The following FRMPD4 variants were observed in gnomAD, a reference collection of about 807,000 sequenced individuals.
FRMPD4 encodes the protein FERM and PDZ domain containing 4.
In FRMPD4, 22 loss-of-function variants were observed where a neutral mutation model predicts 94.1. The observed-to-expected ratio is 0.23, with a 90% CI of 0.17 to 0.33. The LOEUF is 0.33. Among genes scored for constraint, FRMPD4 ranks in the 10% least tolerant of loss-of-function variants. The pLI, the probability that FRMPD4 is intolerant of heterozygous loss-of-function variation, is 1.00. For missense variants in FRMPD4, 1,111 were observed against 1,339.9 expected (o/e 0.83, Z 2.67); for synonymous variants, 631 against 548.6 (o/e 1.15, Z -2.10).
chrX:12,544,757 T>C (rs1189946160), intron 2 of FRMPD4, among the ~76,000 whole-genome samples: 1 of 111,343 alleles, frequency 9.0e-6, no homozygotes, highest in African/African-American at 3.3e-5. Flanking sequence ...CTCAGGAACC[T>C]AAATGGGTTA....
chrX:12,620,770 A>G (rs1569369068), intron 4 of FRMPD4, among the ~76,000 whole-genome samples: 1 of 112,547 alleles, frequency 8.9e-6, no homozygotes, highest in Admixed American at 9.4e-5. Context: ...CCAGTCTATA[A>G]AGACCAGTCT....
intron 1 of FRMPD4, among the ~76,000 whole-genome samples, chrX:12,290,340 A>G (rs1254765194): frequency 8.9e-6 from 1 of 112,451 alleles, no homozygotes; most frequent in Non-Finnish European, 1.9e-5. Context: ...AAGTCAGATT[A>G]AAAAACCATG....
chrX:12,470,340 G>A (rs989542118), intron 1 of FRMPD4, among the ~76,000 whole-genome samples: 1 of 111,809 alleles, frequency 8.9e-6, no homozygotes, highest in Admixed American at 9.5e-5. Context: ...TGACCAAAAT[G>A]TCATTTTTTT....
intron 1 of FRMPD4, among the ~76,000 whole-genome samples, chrX:12,354,181 G>C (rs1034004614): frequency 2.7e-5 from 3 of 112,149 alleles, no homozygotes; most frequent in Non-Finnish European, 3.8e-5. Context: ...GTTCTCTGTT[G>C]GGAAATAATT....
At chrX:12,600,479 A>G (rs1466660599) in intron 2 of FRMPD4, among the ~76,000 whole-genome samples, 2 of 112,446 alleles carry the variant, frequency 1.8e-5, no homozygotes, top group African/African-American at 6.5e-5. Flanking sequence ...AAACAATCAA[A>G]TAACTGTTGT....
chrX:12,403,398 T>C (rs1485935501), intron 1 of FRMPD4, among the ~76,000 whole-genome samples: 1 of 111,282 alleles, frequency 9.0e-6, no homozygotes, highest in African/African-American at 3.3e-5. Context: ...TATTCAGGTC[T>C]TGGAAAATTC....
intron 1 of FRMPD4, among the ~76,000 whole-genome samples, chrX:11,836,240 G>A (rs956403328): frequency 1.8e-5 from 2 of 111,543 alleles, no homozygotes; most frequent in Non-Finnish European, 3.8e-5. Flanking sequence ...ATGTGTGGGT[G>A]GTGTTGGGAC....
At chrX:12,362,939 T>C (rs370170412) in intron 1 of FRMPD4, among the ~76,000 whole-genome samples, 7 of 112,009 alleles carry the variant, frequency 6.2e-5, no homozygotes, top group African/African-American at 2.0e-4. Context: ...TTTTGATTTG[T>C]ATTTCTCTGA....
chrX:11,909,124 T>G (rs757346618), intron 3 of FRMPD4, among the ~76,000 whole-genome samples: 19 of 111,981 alleles, frequency 1.7e-4, no homozygotes, highest in Non-Finnish European at 3.2e-4. Flanking sequence ...TTGTGTATAA[T>G]TGGTATTTTT....
chrX:12,514,363 A>G (rs2058074872), intron 2 of FRMPD4, among the ~76,000 whole-genome samples: 1 of 111,777 alleles, frequency 8.9e-6, no homozygotes, highest in African/African-American at 3.3e-5. Context: ...TTTGTCATAA[A>G]TGGCTCTTAT....
intron 9 of FRMPD4, among the ~76,000 whole-genome samples, chrX:12,696,966 G>A (rs2060139666): frequency 9.0e-6 from 1 of 111,470 alleles, no homozygotes; most frequent in African/African-American, 3.3e-5. Flanking sequence ...TAGCAGATGG[G>A]GGCACTCAGG....
intron 2 of FRMPD4, 115 bp from the exon 3 acceptor site, chrX:12,609,606 C>T (rs1471765873): frequency 1.6e-6 from 1 of 636,261 alleles, no homozygotes; most frequent in East Asian, 3.3e-5. Context: ...CTCCCCAGAT[C>T]TTTCTCACTC....
chrX:12,515,494 T>C (rs937932732), intron 2 of FRMPD4, among the ~76,000 whole-genome samples: 2 of 111,816 alleles, frequency 1.8e-5, no homozygotes, highest in African/African-American at 6.5e-5. Context: ...CATGTAATTG[T>C]GTGGTTTTGA....
intron 1 of FRMPD4, among the ~76,000 whole-genome samples, chrX:12,385,060 T>C (rs2056379002): frequency 8.9e-6 from 1 of 112,315 alleles, no homozygotes; most frequent in Admixed American, 9.4e-5. Flanking sequence ...CCATATCTTT[T>C]GAGAAAGCTG....
intron 7 of FRMPD4, among the ~76,000 whole-genome samples, chrX:12,689,571 C>T (rs5935385): frequency 0.33 from 36,570 of 111,233 alleles, 4,826 homozygotes; most frequent in East Asian, 0.75. Flanking sequence ...TTCTTAGCCC[C>T]TATTCCTTAC....
intron 3 of FRMPD4, among the ~76,000 whole-genome samples, chrX:11,953,721 T>TCCAA (rs1227349487): frequency 2.0e-4 from 22 of 111,630 alleles, no homozygotes; most frequent in African/African-American, 7.2e-4. Flanking sequence ...AGGAAATGCC[T>TCCAA]TTCCTTGAGA....
chrX:12,153,402 C>T (rs1395520384), intron 1 of FRMPD4, among the ~76,000 whole-genome samples: 1 of 111,653 alleles, frequency 9.0e-6, no homozygotes, highest in Admixed American at 9.5e-5. Flanking sequence ...GATTATGATG[C>T]CATTAGTTCA....
chrX:12,180,403 G>A (rs969410370), intron 1 of FRMPD4, among the ~76,000 whole-genome samples: 2 of 111,504 alleles, frequency 1.8e-5, no homozygotes, highest in African/African-American at 6.5e-5. Context: ...TCATGCTGAG[G>A]ATTGAATTAA....
At chrX:12,539,136 G>A (rs1219419507) in intron 2 of FRMPD4, among the ~76,000 whole-genome samples, 2 of 112,373 alleles carry the variant, frequency 1.8e-5, no homozygotes, top group African/African-American at 6.5e-5. Context: ...ACTACATGAC[G>A]CTTGCACAAG....
Sources: gnomAD v4.1 joint callset for allele counts (sites outside exome capture counted in the v4.1 genomes callset) on GRCh38, gnomAD v4.1.1 for gene constraint, MANE v1.5 for transcripts, NCBI Gene and HGNC (gene_info 2026-07-23, HGNC 2026-07-21) for gene names.